KCNMA1: variants seen among roughly 807,000 people sequenced by gnomAD.
KCNMA1 encodes the protein Calcium-activated potassium channel subunit alpha-1.
Under a neutral mutation model 140.0 loss-of-function variants are expected in KCNMA1, and 29 were observed. That is an observed-to-expected ratio of 0.21 (90% CI 0.15 to 0.28). The LOEUF (loss-of-function observed/expected upper bound fraction) is 0.28, where lower values mean the gene tolerates loss of function less well. KCNMA1 is among the 10% of genes least tolerant of loss of function. KCNMA1 has a pLI of 1.00. For missense variants in KCNMA1, 880 were observed against 1,602.2 expected, an observed-to-expected ratio of 0.55 and a Z score of 7.70; for synonymous variants, 612 against 611.9, an observed-to-expected ratio of 1.00 and a Z score of 0.00.
At chr10:77,261,912 G>A (rs772663856) in intron 2 of KCNMA1, among the ~76,000 whole-genome samples, 2 of 152,188 alleles carry the variant, frequency 1.3e-5, no homozygotes, top group Non-Finnish European at 2.9e-5. Flanking sequence ...TTAAGTGCAT[G>A]TGGGTTTGGC....
At chr10:76,999,138 C>T (rs1364607204) in intron 19 of KCNMA1, among the ~76,000 whole-genome samples, 1 of 152,198 alleles carries the variant, frequency 6.6e-6, no homozygotes, top group African/African-American at 2.4e-5. Context: ...GGGACAATCC[C>T]ACCCCAAGGT....
At chr10:76,910,142 G>C in intron 24 of KCNMA1, 46 bp from the exon 25 acceptor site, 1 of 1,608,586 alleles carries the variant, frequency 6.2e-7, no homozygotes, top group Non-Finnish European at 8.5e-7. Flanking sequence ...ACCACACACA[G>C]GCATTGAAGC....
In KCNMA1 at chr10:77,180,614, G is replaced by A. The variant is rs541752488; in HGVS notation, c.808+2807C>T. 4.7e-4 allele frequency among the ~76,000 whole-genome samples: 71 copies of A among 152,006 alleles called. 2 individuals are homozygous for A. In the Middle Eastern group the frequency reaches 0.01, roughly 22 times the overall value. On this transcript the variant is annotated intron_variant, in intron 5 of 27. Transcript: ENST00000286628. ...ACCGTATCATTTACTTCCTTATTAG[G>A]TTCAGTGTTTCCTGCTTTCCCAACA...
intron 2 of KCNMA1, among the ~76,000 whole-genome samples, chr10:77,324,940 A>ACTCTCTCTCTCTCTCTCTCT (rs3068755): frequency 5.4e-5 from 5 of 93,416 alleles, no homozygotes; most frequent in Admixed American, 1.1e-4. Flanking sequence ...ATAGCTCTAG[A>ACTCTCTCTCTCTCTCTCTCT]CTCTCTCTCT....
chr10:77,314,920 CCCA>C (rs2080362837), intron 2 of KCNMA1, among the ~76,000 whole-genome samples: 2 of 115,160 alleles, frequency 1.7e-5, no homozygotes, highest in African/African-American at 7.2e-5. Flanking sequence ...CCACCACACC[CCCA>C]ACACACACAC....
chr10:77,178,515 T>A (rs888478884), intron 5 of KCNMA1, among the ~76,000 whole-genome samples: 2 of 152,136 alleles, frequency 1.3e-5, no homozygotes, highest in Non-Finnish European at 2.9e-5. Context: ...GAGACCAGCC[T>A]GGCCAACATG....
chr10:76,891,366 G>C, intron 26 of KCNMA1, 159 bp downstream of exon 26: 2 of 684,796 alleles, frequency 2.9e-6, no homozygotes, highest in Non-Finnish European at 5.2e-6. Flanking sequence ...CAAAGTGTCT[G>C]ATCCAGAGTA....
chr10:77,179,293 A>ATC (rs889356109), intron 5 of KCNMA1, among the ~76,000 whole-genome samples: 3 of 152,158 alleles, frequency 2.0e-5, no homozygotes, highest in Non-Finnish European at 2.9e-5. Context: ...CTGAGCTTTA[A>ATC]TCTACTCTGC....
intron 18 of KCNMA1, among the ~76,000 whole-genome samples, chr10:77,005,937 C>A (rs931388543): frequency 3.3e-5 from 5 of 152,194 alleles, no homozygotes; most frequent in African/African-American, 1.2e-4. Flanking sequence ...GATCATGAGA[C>A]CAGAAACCTG....
chr10:77,291,702 T>C (rs1457522), intron 2 of KCNMA1, among the ~76,000 whole-genome samples: 55,874 of 152,054 alleles, frequency 0.37, 11,684 homozygotes, highest in African/African-American at 0.55. Flanking sequence ...GGTCCTGGGA[T>C]AGGGGGCATC....
intron 12 of KCNMA1, 60 bp from the exon 13 acceptor site, chr10:77,079,610 A>ATT: frequency 8.3e-7 from 1 of 1,200,626 alleles, no homozygotes; most frequent in East Asian, 2.3e-5. Flanking sequence ...TCTGACAAAA[A>ATT]GATCAATTTT....
chr10:76,916,874 T>C (rs1386503984), intron 23 of KCNMA1, among the ~76,000 whole-genome samples: 5 of 152,220 alleles, frequency 3.3e-5, no homozygotes, highest in Non-Finnish European at 7.3e-5. Flanking sequence ...CTCCCGTGTA[T>C]ACATTTCTTA....
chr10:77,628,534 G>A (rs1196038824), intron 1 of KCNMA1, among the ~76,000 whole-genome samples: 6 of 151,696 alleles, frequency 4.0e-5, no homozygotes, highest in Non-Finnish European at 8.8e-5. Context: ...ATGAGAACCT[G>A]GAATGCCAGG....
intron 1 of KCNMA1, among the ~76,000 whole-genome samples, chr10:77,489,283 AT>A (rs1734243746): frequency 6.6e-6 from 1 of 152,224 alleles, no homozygotes; most frequent in South Asian, 2.1e-4. Flanking sequence ...CTTATCTGAA[AT>A]TCAAATGTAA....
intron 1 of KCNMA1, among the ~76,000 whole-genome samples, chr10:77,436,686 G>C (rs1027594992): frequency 2.0e-5 from 3 of 152,174 alleles, no homozygotes; most frequent in Non-Finnish European, 4.4e-5. Context: ...GTTTCCAGCA[G>C]CACATGACAT....
intron 25 of KCNMA1, among the ~76,000 whole-genome samples, chr10:76,907,815 C>T (rs1391592838): frequency 9.2e-5 from 14 of 152,174 alleles, no homozygotes; most frequent in Admixed American, 9.2e-4. Context: ...TGCTGGGTTA[C>T]AAGCGGTAGC....
chr10:77,619,175 C>T (rs1263331494), intron 1 of KCNMA1, among the ~76,000 whole-genome samples: 1 of 152,148 alleles, frequency 6.6e-6, no homozygotes, highest in Admixed American at 6.5e-5. Flanking sequence ...TTGTTTATGA[C>T]TTTTAAGTAA....
chr10:77,284,237 C>G (rs1351653861), intron 2 of KCNMA1, among the ~76,000 whole-genome samples: 4 of 152,030 alleles, frequency 2.6e-5, no homozygotes, highest in Non-Finnish European at 5.9e-5. Context: ...CTATGAAACT[C>G]TGTACTGGAA....
At chr10:77,209,825 AAC>A (rs2045419850) in intron 3 of KCNMA1, among the ~76,000 whole-genome samples, 1 of 152,022 alleles carries the variant, frequency 6.6e-6, no homozygotes, top group African/African-American at 2.4e-5. Context: ...AATTCCTGGA[AAC>A]ACACAACCTC....
Sources: allele counts gnomAD v4.1 joint callset (sites outside exome capture counted in the v4.1 genomes callset), GRCh38; gene constraint gnomAD v4.1.1; transcripts MANE v1.5; gene names NCBI Gene and HGNC (gene_info 2026-07-23, HGNC 2026-07-21).